Variants in ARHGAP8 observed in about 807,000 individuals in gnomAD.
ARHGAP8 encodes the protein Rho GTPase activating protein 8.
ARHGAP8 carries 62 observed loss-of-function variants against 46.1 expected under a neutral mutation model. The observed-to-expected ratio is 1.34, with a 90% CI of 1.10 to 1.66. ARHGAP8 has a LOEUF of 1.66. Ranked by LOEUF, ARHGAP8 falls within the 40% of genes most tolerant of loss-of-function variation. The pLI, the probability that ARHGAP8 is intolerant of heterozygous loss-of-function variation, is 0.00. For missense variants in ARHGAP8, 923 were observed against 568.4 expected (o/e 1.62, Z -6.34); for synonymous variants, 375 against 243.1 (o/e 1.54, Z -5.05).
intron 3 of ARHGAP8, among the ~76,000 whole-genome samples, chr22:44,805,786 AC>A (rs1381409735): frequency 1.3e-5 from 2 of 151,844 alleles, no homozygotes; most frequent in African/African-American, 4.8e-5. Flanking sequence ...AAAAATTAAC[AC>A]CCCGTACATT....
chr22:44,781,153 C>G (rs551546649), intron 1 of ARHGAP8, among the ~76,000 whole-genome samples: 1 of 152,174 alleles, frequency 6.6e-6, no homozygotes, highest in South Asian at 2.1e-4. Context: ...ACTGACGACC[C>G]GCCGCTCTGG....
At chr22:44,837,600 C>T (rs1931373151) in intron 7 of ARHGAP8, among the ~76,000 whole-genome samples, 1 of 152,216 alleles carries the variant, frequency 6.6e-6, no homozygotes, top group Non-Finnish European at 1.5e-5. Context: ...CCAGGAAACA[C>T]AGCACATCTG....
chr22:44,855,498 T>C (rs995989435), intron 10 of ARHGAP8, among the ~76,000 whole-genome samples: 3 of 152,190 alleles, frequency 2.0e-5, no homozygotes, highest in Non-Finnish European at 4.4e-5. Flanking sequence ...CATACATAGT[T>C]TCATACAAGT....
chr22:44,755,976 T>C (rs932459739), intron 1 of ARHGAP8, among the ~76,000 whole-genome samples: 2 of 152,150 alleles, frequency 1.3e-5, no homozygotes, highest in African/African-American at 2.4e-5. Context: ...AGTTAATGCA[T>C]GAGAAGCGCA....
intron 10 of ARHGAP8, among the ~76,000 whole-genome samples, chr22:44,856,234 T>C (rs1338085120): frequency 6.7e-6 from 1 of 149,388 alleles, no homozygotes; most frequent in African/African-American, 2.5e-5. Flanking sequence ...CACATTACTG[T>C]CTGGCCAGCT....
chr22:44,828,420 C>T (rs998342741), intron 7 of ARHGAP8, among the ~76,000 whole-genome samples: 3 of 124,754 alleles, frequency 2.4e-5, no homozygotes, highest in African/African-American at 6.8e-5. Context: ...AGCCAGCAGA[C>T]CAGAATTTTT....
intron 7 of ARHGAP8, among the ~76,000 whole-genome samples, chr22:44,838,668 G>A (rs1008490585): frequency 6.6e-6 from 1 of 152,198 alleles, no homozygotes; most frequent in Admixed American, 6.5e-5. Context: ...TGTCCCGCCT[G>A]TTGAGTAGGA....
Position 44,822,469 on chromosome 22 carries a change from G to A in ARHGAP8, c.485G>A (p.Arg162Gln), listed in dbSNP as rs1383604244. The A allele has an allele frequency of 4.2e-5, 65 of 1,549,994 alleles. No homozygotes were observed. Among genetic ancestry groups the A allele is most frequent in the South Asian group, 3.8e-4 (30 of 79,176 alleles). ...DQLVIPPEVL[R>Q]YDEKLQSLHE... is the part of the protein sequence containing the mutation. ...CTGGTCATCCCTCCCGAAGTTTTGC[G>A]GTAAGTGCCTGTTAGACCCCAGAAG... Residue 162 changes from arginine (R) to glutamine (Q), a missense_variant and splice_region_variant, in exon 6 of 12, where the codon CGG becomes CAG. Arg to Gln is a conservative substitution (Grantham distance 43). Coordinates refer to ENST00000356099, the MANE Select transcript of ARHGAP8 (RefSeq NM_181335.3).
At position 44,854,372 on chromosome 22, in the gene ARHGAP8, G is replaced by A. The variant is rs573314658; in HGVS notation, c.877+5312G>A. Among the ~76,000 whole-genome samples, 511 of 151,782 alleles carry A rather than the reference G, an allele frequency of 3.4e-3. 7 individuals carry two copies. The highest frequency in any genetic ancestry group is 0.012 in the African/African-American group (485 of 41,376). On this transcript the variant is annotated intron_variant, in intron 10 of 11. Transcript: ENST00000356099. ...CTGCCTCAGCCTCCGGAGTAGCTGG[G>A]ATTACAGGTGTGCGCCGCCACACCC...
At chr22:44,852,351 C>T (rs894303652) in intron 10 of ARHGAP8, among the ~76,000 whole-genome samples, 3 of 151,968 alleles carry the variant, frequency 2.0e-5, no homozygotes, top group African/African-American at 4.8e-5. Flanking sequence ...AGAGATAAGG[C>T]ACCCTCTGGA....
intron 1 of ARHGAP8, among the ~76,000 whole-genome samples, chr22:44,774,212 C>CG (rs948255165): frequency 2.6e-4 from 39 of 152,156 alleles, no homozygotes; most frequent in Non-Finnish European, 5.6e-4. Flanking sequence ...TCAACAGTCA[C>CG]GGGGTTAAAG....
At chr22:44,771,847 G>A (rs537101677) in intron 1 of ARHGAP8, among the ~76,000 whole-genome samples, 3 of 152,302 alleles carry the variant, frequency 2.0e-5, no homozygotes, top group African/African-American at 4.8e-5. Context: ...GAGCCACCAC[G>A]CCTGGCCTGC....
intron 1 of ARHGAP8, among the ~76,000 whole-genome samples, chr22:44,764,904 C>T (rs906609593): frequency 6.6e-6 from 1 of 152,238 alleles, no homozygotes; most frequent in Non-Finnish European, 1.5e-5. Context: ...CCCTGGCACA[C>T]TCCCCTCCTG....
intron 6 of ARHGAP8, among the ~76,000 whole-genome samples, chr22:44,823,792 C>G (rs1313476287): frequency 6.6e-6 from 1 of 152,132 alleles, no homozygotes; most frequent in Admixed American, 6.5e-5. Context: ...GTGAAACACG[C>G]AGCTCCGGCT....
chr22:44,796,816 T>G (rs1257160530), intron 2 of ARHGAP8, among the ~76,000 whole-genome samples: 4 of 152,172 alleles, frequency 2.6e-5, no homozygotes, highest in African/African-American at 9.7e-5. Context: ...GCTCTCCAAG[T>G]CATTCTAGCA....
chr22:44,760,420 G>C (rs1336164410), intron 1 of ARHGAP8, among the ~76,000 whole-genome samples: 2 of 152,154 alleles, frequency 1.3e-5, no homozygotes, highest in Non-Finnish European at 2.9e-5. Flanking sequence ...GTATGACTGT[G>C]TGCAAGCTTC....
rs866482760 is a variant in ARHGAP8 at position 44,762,512 on chromosome 22, T to A, written c.-72+9885T>A. Among the ~76,000 whole-genome samples, 28 of 151,620 alleles carry A rather than the reference T, an allele frequency of 1.8e-4. No homozygotes were observed. The Middle Eastern group carries it at 0.028, about 150-fold the overall frequency. On this transcript the variant is annotated intron_variant, in intron 1 of 11. Coordinates refer to ENST00000356099, the MANE Select transcript of ARHGAP8 (RefSeq NM_181335.3). ...CTCCTAAAACCCTTGGAAGAGCATC[T>A]TTTGTTACTCATTATGAACTCTCTC...
intron 11 of ARHGAP8, among the ~76,000 whole-genome samples, chr22:44,861,664 C>G (rs973094977): frequency 6.6e-6 from 1 of 152,172 alleles, no homozygotes; most frequent in Admixed American, 6.5e-5. Flanking sequence ...CAGGCCCTGC[C>G]CTCACGTTGG....
Position 44,814,030 on chromosome 22 carries a change from C to A in ARHGAP8, c.300-642C>A, listed in dbSNP as rs1031495634. 3.9e-5 allele frequency among the ~76,000 whole-genome samples: 6 copies of A among 152,192 alleles called. 1 individual carries two copies. The East Asian group carries it at 9.6e-4, about 24-fold the overall frequency. Reference sequence around the variant, plus strand: ...AGCAGGACACACCGTCCCCCACTCACCCTCTAGAGCCCTGGCATGTCCTCT... The same window carrying A: ...AGCAGGACACACCGTCCCCCACTCAACCTCTAGAGCCCTGGCATGTCCTCT... On this transcript the variant is annotated intron_variant, in intron 4 of 11. Transcript: ENST00000356099.
Sources: allele counts gnomAD v4.1 joint callset (sites outside exome capture counted in the v4.1 genomes callset), GRCh38; gene constraint gnomAD v4.1.1; transcripts MANE v1.5; gene names NCBI Gene and HGNC (gene_info 2026-07-23, HGNC 2026-07-21).